ARL8B: variants seen among roughly 807,000 people sequenced by gnomAD.
ARL8B encodes ARF like GTPase 8B.
Under a neutral mutation model 30.6 loss-of-function variants are expected in ARL8B, and 9 were observed. That is an observed-to-expected ratio of 0.29 (90% CI 0.18 to 0.51). The LOEUF is 0.51. Ranked by LOEUF, ARL8B falls within the 20% of genes least tolerant of loss-of-function variation. The pLI, the probability that ARL8B is intolerant of heterozygous loss-of-function variation, is 0.97. For synonymous variants in ARL8B, 74 were observed against 76.0 expected (o/e 0.97, Z 0.14); for missense variants, 130 against 227.2 (o/e 0.57, Z 2.75).
rs774613791 is a variant in ARL8B at position 5,122,304 on chromosome 3, C to T, written c.-162C>T. 2.1e-5 allele frequency: 32 copies of T among 1,508,884 alleles called. No homozygotes were observed. The highest frequency in any genetic ancestry group is 2.7e-5 in the Non-Finnish European group (31 of 1,129,840). The allele number at this position is 1,508,884 out of a possible 1,614,324, so 93.5% of individuals were successfully genotyped here. On this transcript the variant is annotated 5_prime_UTR_variant, in exon 1 of 7. Coordinates refer to ENST00000256496, the MANE Select transcript of ARL8B (RefSeq NM_018184.3). ...GGTAGGGCGAGTCATATGATCCGCT[C>T]GGCTTCCTGGGTCTGGCTGCTGCCG...
At chr3:5,129,675 T>C (rs2054264751) in intron 1 of ARL8B, among the ~76,000 whole-genome samples, 1 of 151,872 alleles carries the variant, frequency 6.6e-6, no homozygotes, top group African/African-American at 2.4e-5. Flanking sequence ...GCCTCCCAAG[T>C]AGTAGGGACC....
chr3:5,172,902 G>T (rs546325627), intron 4 of ARL8B, among the ~76,000 whole-genome samples, 162 bp downstream of exon 4: 140 of 152,330 alleles, frequency 9.2e-4, no homozygotes, highest in African/African-American at 3.3e-3. Flanking sequence ...TGGGCATTGT[G>T]CTAAATATGA....
At chr3:5,133,765 C>CAAAAAATA (rs970646095) in intron 1 of ARL8B, among the ~76,000 whole-genome samples, 1 of 151,766 alleles carries the variant, frequency 6.6e-6, no homozygotes, top group Non-Finnish European at 1.5e-5. Flanking sequence ...CTGGTCTCTA[C>CAAAAAATA]AAAAAATAAA....
chr3:5,153,922 G>T (rs1305164129), intron 1 of ARL8B, among the ~76,000 whole-genome samples: 1 of 133,064 alleles, frequency 7.5e-6, no homozygotes, highest in Admixed American at 7.2e-5. Flanking sequence ...ATTTCAGACT[G>T]ATAGTCTTTT....
Position 5,173,713 on chromosome 3 carries a change from T to TCAAACAAA in ARL8B, c.373-279_373-272dup, listed in dbSNP as rs10552472. ...CTGGGTGACAGAGCGAGACTCTGTCTCAAACAAACAAACAAACAAACAAAC... is the reference window on the plus strand; with the variant it reads ...CTGGGTGACAGAGCGAGACTCTGTCTCAAACAAACAAACAAACAAACAAACAAACAAAC... On this transcript the variant is annotated intron_variant, in intron 4 of 6. Transcript: ENST00000256496. 6.5e-3 allele frequency among the ~76,000 whole-genome samples: 983 copies of TCAAACAAA among 151,252 alleles called. 6 individuals are homozygous for TCAAACAAA. Among genetic ancestry groups the TCAAACAAA allele is most frequent in the Middle Eastern group, 0.02 (6 of 294 alleles).
intron 1 of ARL8B, among the ~76,000 whole-genome samples, chr3:5,143,147 C>T (rs940380770): frequency 1.3e-5 from 2 of 152,164 alleles, no homozygotes; most frequent in Non-Finnish European, 2.9e-5. Flanking sequence ...GGCATCGAAT[C>T]TTATAGTCTG....
chr3:5,131,886 A>G (rs1467032485), intron 1 of ARL8B, among the ~76,000 whole-genome samples: 1 of 151,920 alleles, frequency 6.6e-6, no homozygotes, highest in Non-Finnish European at 1.5e-5. Flanking sequence ...TTTTTCTGTC[A>G]TTCTTTCCTT....
chr3:5,159,558 C>T (rs1245400113), intron 1 of ARL8B, among the ~76,000 whole-genome samples: 8 of 141,876 alleles, frequency 5.6e-5, no homozygotes, highest in Non-Finnish European at 1.1e-4. Context: ...GCTGAGATCG[C>T]GCCATTGCAC....
At chr3:5,174,699 T>TATATATGTAATATATA (rs2054710861) in intron 6 of ARL8B, among the ~76,000 whole-genome samples, 1 of 53,826 alleles carries the variant, frequency 1.9e-5, no homozygotes, top group South Asian at 4.5e-4. Context: ...TTATATGTAA[T>TATATATGTAATATATA]ATATATGTAA....
intron 1 of ARL8B, among the ~76,000 whole-genome samples, chr3:5,153,782 G>A (rs1038882537): frequency 6.6e-6 from 1 of 152,076 alleles, no homozygotes; most frequent in Admixed American, 6.6e-5. Flanking sequence ...TCTTATGCCT[G>A]GAGAACTTCC....
At chr3:5,165,837 C>A (rs762106186) in intron 1 of ARL8B, among the ~76,000 whole-genome samples, 1 of 152,114 alleles carries the variant, frequency 6.6e-6, no homozygotes, top group African/African-American at 2.4e-5. Context: ...TTTAAAAGAA[C>A]AATTGTGAAA....
intron 1 of ARL8B, among the ~76,000 whole-genome samples, chr3:5,168,908 C>T (rs2054646149): frequency 6.6e-6 from 1 of 152,146 alleles, no homozygotes; most frequent in African/African-American, 2.4e-5. Flanking sequence ...TGAGCATTAT[C>T]TCACGTAGAT....
intron 1 of ARL8B, among the ~76,000 whole-genome samples, chr3:5,136,182 G>A (rs949841217): frequency 9.9e-5 from 15 of 152,038 alleles, no homozygotes; most frequent in African/African-American, 3.6e-4. Context: ...TTGGCTCACC[G>A]CAGCCTCTGC....
rs143122573 is a variant in ARL8B at position 5,163,617 on chromosome 3, C to T, written c.124-6886C>T. On this transcript the variant is annotated intron_variant, in intron 1 of 6. Coordinates refer to ENST00000256496, the MANE Select transcript of ARL8B (RefSeq NM_018184.3). Reference sequence around the variant, plus strand: ...GGTGCCATGGCTCATGCCTGTAACCCCAGCACTTTGGGGAGGCCGAGGTGG... The same window carrying T: ...GGTGCCATGGCTCATGCCTGTAACCTCAGCACTTTGGGGAGGCCGAGGTGG... Among the ~76,000 whole-genome samples, 391 of 152,268 alleles carry T rather than the reference C, an allele frequency of 2.6e-3. 1 individual carries two copies. Among genetic ancestry groups the T allele is most frequent in the African/African-American group, 9.0e-3 (373 of 41,540 alleles).
rs565495847 is a variant in ARL8B, at chr3:5,164,836, T to TGACA, written c.124-5667_124-5666insGACA. On this transcript the variant is annotated intron_variant, in intron 1 of 6. Coordinates refer to ENST00000256496, the MANE Select transcript of ARL8B (RefSeq NM_018184.3). ...ATGTACTGCTTTTAATTGTCATGTCTCTTTAGCCTCTGTTAGTCTGAAACA... is the reference window on the plus strand; with the variant it reads ...ATGTACTGCTTTTAATTGTCATGTCTGACACTTTAGCCTCTGTTAGTCTGAAACA... Among the ~76,000 whole-genome samples the TGACA allele has an allele frequency of 3.1e-3, 478 of 152,348 alleles. 1 individual carries two copies. Among genetic ancestry groups the TGACA allele is most frequent in the African/African-American group, 0.011 (465 of 41,576 alleles).
chr3:5,163,643 G>T (rs1198510723), intron 1 of ARL8B, among the ~76,000 whole-genome samples: 2 of 152,190 alleles, frequency 1.3e-5, no homozygotes, highest in Non-Finnish European at 2.9e-5. Context: ...GCCGAGGTGG[G>T]TGGATCACCT....
chr3:5,168,493 G>A (rs6803009), intron 1 of ARL8B, among the ~76,000 whole-genome samples: 63,088 of 152,140 alleles, frequency 0.41, 14,522 homozygotes, highest in African/African-American at 0.64. Context: ...AGCAGTAGCA[G>A]CTGAGTTACA....
At chr3:5,129,293 G>C (rs1476946426) in intron 1 of ARL8B, among the ~76,000 whole-genome samples, 1 of 152,078 alleles carries the variant, frequency 6.6e-6, no homozygotes, top group African/African-American at 2.4e-5. Context: ...TCCTGCCTCA[G>C]CTTCCCAAGT....
At chr3:5,178,268 G>T (rs967464531) in intron 6 of ARL8B, among the ~76,000 whole-genome samples, 1 of 151,610 alleles carries the variant, frequency 6.6e-6, no homozygotes, top group Non-Finnish European at 1.5e-5. Context: ...GTTCTGTGGG[G>T]TGGCCCCCAA....
Sources: gnomAD v4.1 joint callset for allele counts (sites outside exome capture counted in the v4.1 genomes callset) on GRCh38, gnomAD v4.1.1 for gene constraint, MANE v1.5 for transcripts, NCBI Gene and HGNC (gene_info 2026-07-23, HGNC 2026-07-21) for gene names.